Variants in FAM171A1 observed in about 807,000 individuals in gnomAD.
The protein encoded by FAM171A1 is protein FAM171A1.
FAM171A1 carries 23 observed loss-of-function variants against 74.9 expected under a neutral mutation model. The observed-to-expected ratio is 0.31, with a 90% CI of 0.22 to 0.44. The LOEUF is 0.44. Among genes scored for constraint, FAM171A1 ranks in the 20% least tolerant of loss-of-function variants. The pLI is 1.00. For missense variants in FAM171A1, 1,162 were observed against 1,159.2 expected (o/e 1.00, Z -0.03); for synonymous variants, 527 against 505.7 (o/e 1.04, Z -0.57).
At chr10:15,249,098 CT>C (rs71390024) in intron 4 of FAM171A1, among the ~76,000 whole-genome samples, 12 of 133,866 alleles carry the variant, frequency 9.0e-5, no homozygotes, top group Non-Finnish European at 1.1e-4. Flanking sequence ...TTTCTTTTTT[CT>C]TTTTTTTTTT....
At chr10:15,239,740 G>T (rs564835038) in intron 5 of FAM171A1, among the ~76,000 whole-genome samples, 3 of 152,152 alleles carry the variant, frequency 2.0e-5, no homozygotes, top group African/African-American at 7.2e-5. Flanking sequence ...TTCGCTCTAC[G>T]AATCACAGCA....
At chr10:15,240,176 C>T (rs542379435) in intron 5 of FAM171A1, among the ~76,000 whole-genome samples, 5 of 152,302 alleles carry the variant, frequency 3.3e-5, no homozygotes, top group African/African-American at 1.2e-4. Context: ...GCCTGGTCAA[C>T]ATGGTGAAAC....
chr10:15,349,633 A>C (rs12258995), intron 1 of FAM171A1, among the ~76,000 whole-genome samples: 17,196 of 152,158 alleles, frequency 0.11, 2,083 homozygotes, highest in African/African-American at 0.31. Flanking sequence ...GATGTTCGGC[A>C]TCAGCTTCCC....
chr10:15,317,969 T>C (rs938761752), intron 1 of FAM171A1, among the ~76,000 whole-genome samples: 8 of 152,152 alleles, frequency 5.3e-5, no homozygotes, highest in African/African-American at 1.7e-4. Flanking sequence ...TTTTAAAACA[T>C]TCTTTTGCAG....
intron 1 of FAM171A1, among the ~76,000 whole-genome samples, chr10:15,330,157 C>T (rs1402801597): frequency 6.6e-6 from 1 of 152,074 alleles, no homozygotes; most frequent in African/African-American, 2.4e-5. Context: ...GCCTGGCCTA[C>T]ATAGTGAAAC....
chr10:15,356,449 C>G (rs563407677), intron 1 of FAM171A1, among the ~76,000 whole-genome samples: 32 of 152,154 alleles, frequency 2.1e-4, no homozygotes, highest in Admixed American at 1.9e-3. Context: ...AATGGCACTC[C>G]TAGGTATGTT....
chr10:15,213,279 T>G lies in FAM171A1; in HGVS notation c.2309A>C (p.Gln770Pro). The change falls in exon 8 of 8, where the codon CAA (glutamine) becomes CCA (proline). Residue 770 changes from glutamine to proline, a missense_variant. Gln to Pro is a moderately conservative substitution (Grantham distance 76). Transcript: ENST00000378116. The surrounding 1 kb of genome is among the most constrained non-coding windows in gnomAD (Gnocchi z 6.8). ...TCGAGGCTCTTTCTGCTGGTGCTCTTGGACGGGCGGGTAGTTCTGCTGCAG... is the reference window on the plus strand; with the variant it reads ...TCGAGGCTCTTTCTGCTGGTGCTCTGGGACGGGCGGGTAGTTCTGCTGCAG... ...LSLQQNYPPV[Q>P]EHQQKEPRAP... The G allele has an allele frequency of 6.2e-7, 1 of 1,614,106 alleles. No individual in the cohort carries two copies. The highest frequency in any genetic ancestry group is 8.5e-7 in the Non-Finnish European group (1 of 1,180,026).
At chr10:15,215,142 G>A (rs1040699825) in intron 7 of FAM171A1, among the ~76,000 whole-genome samples, 3 of 152,014 alleles carry the variant, frequency 2.0e-5, no homozygotes, top group Non-Finnish European at 4.4e-5. Flanking sequence ...TTAAATGTAT[G>A]ACATTCATTT....
intron 1 of FAM171A1, among the ~76,000 whole-genome samples, chr10:15,320,502 T>C (rs938723029): frequency 2.0e-5 from 3 of 152,204 alleles, no homozygotes; most frequent in Non-Finnish European, 4.4e-5. Flanking sequence ...GATTGCCAGG[T>C]CGAATGGCAG....
chr10:15,372,921 G>A (rs1439741933), upstream of FAM171A1, among the ~76,000 whole-genome samples: 3 of 151,774 alleles, frequency 2.0e-5, no homozygotes, highest in Admixed American at 6.6e-5. Context: ...GTGACCTTCC[G>A]ACTTCCACTG....
chr10:15,247,152 T>C (rs942746059), intron 5 of FAM171A1, among the ~76,000 whole-genome samples: 2 of 152,244 alleles, frequency 1.3e-5, no homozygotes, highest in Non-Finnish European at 2.9e-5. Flanking sequence ...TGAACCAAAG[T>C]GAAGTATGAT....
intron 5 of FAM171A1, among the ~76,000 whole-genome samples, chr10:15,227,674 C>A (rs548590607): frequency 5.3e-5 from 8 of 152,172 alleles, no homozygotes; most frequent in Admixed American, 3.9e-4. Flanking sequence ...AGTCACCATG[C>A]CCACCTTGAA....
chr10:15,299,900 C>A (rs903047893), intron 1 of FAM171A1, among the ~76,000 whole-genome samples: 1 of 151,946 alleles, frequency 6.6e-6, no homozygotes, highest in East Asian at 1.9e-4. Context: ...ATGGTGTGAA[C>A]CCGGGAGGCA....
intron 6 of FAM171A1, among the ~76,000 whole-genome samples, chr10:15,216,386 C>T (rs989271332): frequency 1.3e-5 from 2 of 152,164 alleles, no homozygotes; most frequent in Non-Finnish European, 2.9e-5. Context: ...CGGAGAAGTG[C>T]GCCTCACTTG....
intron 6 of FAM171A1, among the ~76,000 whole-genome samples, chr10:15,219,788 G>A (rs1299686240): frequency 2.0e-5 from 3 of 152,154 alleles, no homozygotes; most frequent in Non-Finnish European, 4.4e-5. Flanking sequence ...CACCATGTTA[G>A]CCAGGATGGT....
chr10:15,263,269 C>T (rs913288371), intron 3 of FAM171A1, among the ~76,000 whole-genome samples: 1 of 152,186 alleles, frequency 6.6e-6, no homozygotes, highest in African/African-American at 2.4e-5. Flanking sequence ...GCTGGCTCCC[C>T]CAGTCTCATC....
intron 1 of FAM171A1, among the ~76,000 whole-genome samples, chr10:15,294,782 T>C (rs1199737240): frequency 1.3e-5 from 2 of 152,130 alleles, no homozygotes; most frequent in Non-Finnish European, 2.9e-5. Context: ...AAGTAGCGAG[T>C]TAAGAGTGAA....
At chr10:15,357,266 G>A (rs1245715380) in intron 1 of FAM171A1, among the ~76,000 whole-genome samples, 1 of 152,194 alleles carries the variant, frequency 6.6e-6, no homozygotes, top group African/African-American at 2.4e-5. Flanking sequence ...CTGGGTGACA[G>A]AGCGAGACTC....
chr10:15,275,800 C>T (rs191394084), intron 3 of FAM171A1, 55 bp downstream of exon 3: 6 of 1,192,088 alleles, frequency 5.0e-6, no homozygotes, highest in Non-Finnish European at 6.1e-6. Context: ...TAAATGTATA[C>T]AATAATGTAT....
Sources: gnomAD v4.1 joint callset for allele counts (sites outside exome capture counted in the v4.1 genomes callset) on GRCh38, gnomAD v4.1.1 for gene constraint, Gnocchi (gnomAD v3.1) non-coding constraint, MANE v1.5 for transcripts, NCBI Gene and HGNC (gene_info 2026-07-23, HGNC 2026-07-21) for gene names.